QKI: variants seen among roughly 807,000 people sequenced by gnomAD.
QKI encodes the protein QKI, KH domain containing RNA binding, also known as KH domain-containing RNA-binding protein QKI.
A neutral mutation model predicts 39.0 loss-of-function variants in QKI; 10 were observed. That is an observed-to-expected ratio of 0.26 (90% confidence interval 0.16 to 0.43). The LOEUF (loss-of-function observed/expected upper bound fraction) is 0.43. Ranked by LOEUF, QKI falls within the 20% of genes least tolerant of loss-of-function variation. The pLI is 1.00. For synonymous variants in QKI, 204 were observed against 155.4 expected (o/e 1.31, Z -2.33); for missense variants, 218 against 428.0 (o/e 0.51, Z 4.33).
intron 1 of QKI, among the ~76,000 whole-genome samples, chr6:163,422,297 A>G (rs1236056075): frequency 1.3e-5 from 2 of 152,222 alleles, no homozygotes; most frequent in Non-Finnish European, 2.9e-5. Flanking sequence ...TGCTTCATGT[A>G]TTAGTCTAAT....
intron 2 of QKI, among the ~76,000 whole-genome samples, chr6:163,465,276 A>T (rs528792702): frequency 2.6e-5 from 4 of 152,220 alleles, no homozygotes; most frequent in African/African-American, 9.6e-5. Flanking sequence ...CAGGAAGAAG[A>T]CCCTTGCTAC....
chr6:163,568,791 C>T (rs1783530469), intron 7 of QKI: 7 of 984,958 alleles, frequency 7.1e-6, no homozygotes, highest in Non-Finnish European at 8.4e-6. Context: ...AGTAAACTCA[C>T]CTCTTTATAT....
chr6:163,573,606 A>G lies in QKI; in HGVS notation c.*2896A>G, dbSNP rs761740130. ...CAATTTTGATAACTGAAAATTGCCA[A>G]TTGTTTTGCAGTACTTTATTATATT... On this transcript the variant is annotated 3_prime_UTR_variant, in exon 8 of 8. Coordinates refer to ENST00000361752, the MANE Select transcript of QKI (RefSeq NM_006775.3). The G allele has an allele frequency of 2.4e-4, 36 of 152,236 alleles. No individual in the cohort carries two copies. Among genetic ancestry groups the G allele is most frequent in the Non-Finnish European group, 4.0e-4 (27 of 68,002 alleles). 9.4% of individuals were successfully genotyped at this position (152,236 alleles called of 1,614,324 possible). A position where few individuals can be genotyped will look rare whatever the true frequency, so the allele number is the denominator to read the frequency against.
intron 3 of QKI, among the ~76,000 whole-genome samples, chr6:163,505,637 G>A (rs1026739658): frequency 2.0e-5 from 3 of 152,030 alleles, no homozygotes; most frequent in African/African-American, 4.8e-5. Flanking sequence ...TCTCCCATTT[G>A]GAATGGGAAC....
chr6:163,440,590 TAA>T (rs1789693073), intron 1 of QKI, among the ~76,000 whole-genome samples: 1 of 152,250 alleles, frequency 6.6e-6, no homozygotes, highest in Non-Finnish European at 1.5e-5. Context: ...TTCCTTAGTT[TAA>T]GTTATATGAT....
At chr6:163,547,550 G>C (rs533294417) in intron 4 of QKI, among the ~76,000 whole-genome samples, 14 of 152,188 alleles carry the variant, frequency 9.2e-5, no homozygotes, top group Non-Finnish European at 1.5e-4. Flanking sequence ...ACCTCCATGC[G>C]GGTGCCACAT....
chr6:163,511,778 G>A (rs2128235238), intron 3 of QKI, among the ~76,000 whole-genome samples: 1 of 151,494 alleles, frequency 6.6e-6, no homozygotes, highest in East Asian at 1.9e-4. Context: ...AAGAAATATT[G>A]TGAATCTTAT....
intron 1 of QKI, among the ~76,000 whole-genome samples, chr6:163,430,201 C>T (rs758867918): frequency 2.0e-5 from 3 of 151,988 alleles, no homozygotes; most frequent in Non-Finnish European, 2.9e-5. Flanking sequence ...CTTTATCTGC[C>T]TCCATATTTC....
intron 1 of QKI, among the ~76,000 whole-genome samples, chr6:163,450,392 G>T (rs551386072): frequency 2.6e-5 from 4 of 152,274 alleles, no homozygotes; most frequent in African/African-American, 9.6e-5. Context: ...ATGTACAAAA[G>T]TAGCAGAGTG....
rs945817775 is a variant in QKI at position 163,438,563 on chromosome 6, A to G, written c.143-16716A>G. On this transcript the variant is annotated intron_variant, in intron 1 of 7. Coordinates refer to ENST00000361752, the MANE Select transcript of QKI (RefSeq NM_006775.3). ...GCAAACCTGTACAGCATGCTACTGT[A>G]CTGAATACTGTAGGCAGTTATAACA... Among the ~76,000 whole-genome samples the G allele has an allele frequency of 3.9e-5, 6 of 152,328 alleles. No individual in the cohort carries two copies. The East Asian group carries it at 7.7e-4, about 20-fold the overall frequency.
intron 3 of QKI, among the ~76,000 whole-genome samples, chr6:163,510,994 G>T (rs762965968): frequency 2.6e-5 from 4 of 152,104 alleles, no homozygotes; most frequent in Non-Finnish European, 5.9e-5. Context: ...ACATGCATAT[G>T]GTACATTCAC....
chr6:163,475,984 AAGT>A (rs1474927594), intron 2 of QKI, among the ~76,000 whole-genome samples: 1 of 152,214 alleles, frequency 6.6e-6, no homozygotes, highest in African/African-American at 2.4e-5. Flanking sequence ...TGTAACCACA[AAGT>A]AGAAATCAAT....
intron 3 of QKI, among the ~76,000 whole-genome samples, chr6:163,531,482 TC>T (rs1780847402): frequency 6.6e-6 from 1 of 152,182 alleles, no homozygotes; most frequent in Admixed American, 6.5e-5. Flanking sequence ...TCCTGCAATC[TC>T]AGCCCCACCC....
intron 3 of QKI, among the ~76,000 whole-genome samples, chr6:163,490,166 C>G (rs1777965002): frequency 6.6e-6 from 1 of 152,278 alleles, no homozygotes; most frequent in Middle Eastern, 3.4e-3. Context: ...CTTGTATAAC[C>G]TGGTTTAGAG....
chr6:163,440,836 G>A (rs757394242), intron 1 of QKI, among the ~76,000 whole-genome samples: 19 of 150,558 alleles, frequency 1.3e-4, no homozygotes, highest in African/African-American at 3.9e-4. Flanking sequence ...ATGCATATAC[G>A]AAAAAAATCA....
chr6:163,498,585 C>G (rs1778554510), intron 3 of QKI, among the ~76,000 whole-genome samples: 2 of 151,670 alleles, frequency 1.3e-5, no homozygotes, highest in Admixed American at 1.3e-4. Context: ...TCCTTTTGTT[C>G]TTATGTCTGT....
chr6:163,496,591 A>T (rs1468338199), intron 3 of QKI, among the ~76,000 whole-genome samples: 1 of 152,032 alleles, frequency 6.6e-6, no homozygotes, highest in Non-Finnish European at 1.5e-5. Context: ...GCATATTTTA[A>T]TGTATTCAGT....
chr6:163,567,376 T>C, intron 7 of QKI: 2 of 984,914 alleles, frequency 2.0e-6, no homozygotes, highest in Non-Finnish European at 2.4e-6. Context: ...GATTTTTTTA[T>C]ATAAATTAGA....
At chr6:163,455,577 T>G (rs1184554303) in intron 2 of QKI, among the ~76,000 whole-genome samples, 156 bp downstream of exon 2, 1 of 152,204 alleles carries the variant, frequency 6.6e-6, no homozygotes, top group African/African-American at 2.4e-5. Flanking sequence ...ATTTAAAAAA[T>G]TTCTCTCTAA....
Sources: gnomAD v4.1 joint callset for allele counts (sites outside exome capture counted in the v4.1 genomes callset) on GRCh38, gnomAD v4.1.1 for gene constraint, MANE v1.5 for transcripts, NCBI Gene and HGNC (gene_info 2026-07-23, HGNC 2026-07-21) for gene names.